DSCAML1: variants seen among roughly 807,000 people sequenced by gnomAD.
The protein encoded by DSCAML1 is DS cell adhesion molecule like 1.
DSCAML1 carries 38 observed loss-of-function variants against 200.5 expected under a neutral mutation model. The observed-to-expected ratio is 0.19, with a 90% CI of 0.15 to 0.25. DSCAML1 has a LOEUF of 0.25. Among genes scored for constraint, DSCAML1 ranks in the 10% least tolerant of loss-of-function variants. The probability of loss-of-function intolerance (pLI) is 1.00; values close to 1 mark genes in which losing one functional copy is unlikely to be tolerated. For synonymous variants in DSCAML1, 1,215 were observed against 1,165.0 expected (o/e 1.04, Z -0.87); for missense variants, 2,223 against 2,858.8 (o/e 0.78, Z 5.07).
At chr11:117,765,657 G>A (rs1262541168) in intron 3 of DSCAML1, among the ~76,000 whole-genome samples, 2 of 152,242 alleles carry the variant, frequency 1.3e-5, no homozygotes, top group Admixed American at 1.3e-4. Context: ...GAAACTGCAT[G>A]TAGAAAACAG....
At chr11:117,805,561 T>G (rs1368937358) in intron 1 of DSCAML1, among the ~76,000 whole-genome samples, 2 of 152,182 alleles carry the variant, frequency 1.3e-5, no homozygotes, top group Non-Finnish European at 2.9e-5. Flanking sequence ...TGTTTTTTAC[T>G]GCAGGCTTTA....
chr11:117,588,243 G>A (rs1396371705), intron 3 of DSCAML1, among the ~76,000 whole-genome samples: 7 of 152,120 alleles, frequency 4.6e-5, no homozygotes, highest in African/African-American at 1.7e-4. Flanking sequence ...CCCTAGCTCG[G>A]GGGTCGGGGG....
intron 3 of DSCAML1, among the ~76,000 whole-genome samples, chr11:117,760,050 C>T (rs568610115): frequency 3.3e-5 from 5 of 152,290 alleles, no homozygotes; most frequent in African/African-American, 9.6e-5. Context: ...CCCCAGACCT[C>T]GCTTTCACCA....
At chr11:117,577,479 T>C (rs1271198038) in intron 3 of DSCAML1, among the ~76,000 whole-genome samples, 4 of 34,356 alleles carry the variant, frequency 1.2e-4, no homozygotes, top group South Asian at 2.3e-3. Context: ...CCTTCCTTCC[T>C]TCCTTCCTTC....
At chr11:117,629,405 C>T (rs867635360) in intron 3 of DSCAML1, among the ~76,000 whole-genome samples, 4 of 152,036 alleles carry the variant, frequency 2.6e-5, no homozygotes, top group African/African-American at 4.8e-5. Flanking sequence ...TGGCTGCCCA[C>T]GCTGAGTGCT....
At chr11:117,455,606 T>C (rs1256989115) in intron 19 of DSCAML1, among the ~76,000 whole-genome samples, 2 of 152,242 alleles carry the variant, frequency 1.3e-5, no homozygotes, top group African/African-American at 2.4e-5. Flanking sequence ...TGAATTTATG[T>C]TTGCATTTTG....
intron 21 of DSCAML1, 57 bp from the exon 22 acceptor site, chr11:117,439,993 C>T (rs2048010465): frequency 4.1e-6 from 6 of 1,468,330 alleles, no homozygotes; most frequent in Non-Finnish European, 5.7e-6. Flanking sequence ...AATATCCTGG[C>T]CTCCTTCCTT....
rs188329129 is a variant in DSCAML1, at chr11:117,606,684, T to C, written c.512-74162A>G. Among the ~76,000 whole-genome samples, 234 of 152,320 alleles carry C rather than the reference T, an allele frequency of 1.5e-3. 2 individuals carry two copies. The highest frequency in any genetic ancestry group is 5.4e-3 in the African/African-American group (224 of 41,574). ...CTGCTCTGGTTCCATGGATGATCAGTAAGTCAGAGGCCCCCACTTCTCTCT... is the reference window on the plus strand; with the variant it reads ...CTGCTCTGGTTCCATGGATGATCAGCAAGTCAGAGGCCCCCACTTCTCTCT... On this transcript the variant is annotated intron_variant, in intron 3 of 32. Coordinates refer to ENST00000651296, the MANE Select transcript of DSCAML1 (RefSeq NM_020693.4).
intron 3 of DSCAML1, among the ~76,000 whole-genome samples, chr11:117,580,661 TTC>T (rs914688443): frequency 1.3e-5 from 2 of 152,070 alleles, no homozygotes; most frequent in African/African-American, 2.4e-5. Context: ...TAGGATTTCC[TTC>T]TCTCTCTCTC....
At chr11:117,660,854 T>G (rs36067343) in intron 3 of DSCAML1, among the ~76,000 whole-genome samples, 3,814 of 152,272 alleles carry the variant, frequency 0.025, 55 homozygotes, top group African/African-American at 0.035. Context: ...GATTTTGTGT[T>G]CTGAATTTGA....
Position 117,480,478 on chromosome 11 carries a change from A to T in DSCAML1, c.2750T>A (p.Ile917Asn). 1 of 1,613,516 alleles carries T rather than the reference A, an allele frequency of 6.2e-7. No individual in the cohort carries two copies. The highest frequency in any genetic ancestry group is 1.1e-5 in the South Asian group (1 of 90,818). The change falls in exon 14 of 33, where the codon ATC becomes AAC. Residue 917 changes from isoleucine (I) to asparagine (N), a missense_variant. Around this residue, in one of 7 missense-constraint regions of DSCAML1, gnomAD observed 438 missense variants for 629.7 expected, o/e 0.70. Coordinates refer to ENST00000651296, the MANE Select transcript of DSCAML1 (RefSeq NM_020693.4). This position sits in a 1 kb window ranked among gnomAD's most constrained non-coding sequence, Gnocchi z 4.1. Reference sequence around the variant, plus strand: ...CTTGTATTCAATGTCGAAGCCCGTGATGATGCTGTTCCCGTCGAATCGCTG... The same window carrying T: ...CTTGTATTCAATGTCGAAGCCCGTGTTGATGCTGTTCCCGTCGAATCGCTG... ...WTQRFDGNSI[I>N]TGFDIEYKNK...
upstream of DSCAML1, chr11:117,797,248 G>A (rs1330358692): frequency 2.8e-6 from 4 of 1,444,138 alleles, no homozygotes; most frequent in African/African-American, 1.5e-5. Context: ...TCGGCTCCCC[G>A]GCTCCTGTCA....
chr11:117,447,298 A>G (rs542536929), intron 20 of DSCAML1, among the ~76,000 whole-genome samples: 2 of 152,204 alleles, frequency 1.3e-5, no homozygotes, highest in African/African-American at 2.4e-5. Context: ...ATACACACGA[A>G]AAAATGTTTT....
At position 117,482,108 on chromosome 11, in the gene DSCAML1, G is replaced by T; in HGVS notation, c.2414C>A (p.Ala805Glu). 1.2e-6 allele frequency: 2 copies of T among 1,614,178 alleles called. No individual in the cohort carries two copies. The highest frequency in any genetic ancestry group is 1.7e-6 in the Non-Finnish European group (2 of 1,180,008). ...PNTTIAIKGHAKELNCTARGE... is the reference protein window; with the variant it reads ...PNTTIAIKGHEKELNCTARGE... The stretch of plus-strand genomic sequence containing the variant: ...CCGTGCCGTGCAGTTTAGCTCCTTC[G>T]CATGGCCCTTGATGGCGATGGTGGT... Residue 805 changes from alanine to glutamate, a missense_variant, in exon 12 of 33, where the codon GCG (alanine) becomes GAG (glutamate). Ala to Glu is a moderately radical substitution (Grantham distance 107). Transcript: ENST00000651296.
chr11:117,582,114 G>A (rs2051050008), intron 3 of DSCAML1, among the ~76,000 whole-genome samples: 1 of 152,182 alleles, frequency 6.6e-6, no homozygotes, highest in Non-Finnish European at 1.5e-5. Flanking sequence ...GGGTATCTGG[G>A]ACTCGCAGAA....
At chr11:117,621,407 G>A (rs2051926806) in intron 3 of DSCAML1, among the ~76,000 whole-genome samples, 1 of 152,140 alleles carries the variant, frequency 6.6e-6, no homozygotes, top group African/African-American at 2.4e-5. Flanking sequence ...TAATTTTCAG[G>A]TGGCTCAGTG....
intron 3 of DSCAML1, among the ~76,000 whole-genome samples, chr11:117,535,643 A>T (rs539498775): frequency 1.3e-5 from 2 of 152,314 alleles, no homozygotes; most frequent in South Asian, 4.1e-4. Context: ...CCCAAAGTCA[A>T]ACGCGGAAGC....
At chr11:117,685,357 C>T (rs1214218567) in intron 3 of DSCAML1, among the ~76,000 whole-genome samples, 1 of 152,212 alleles carries the variant, frequency 6.6e-6, no homozygotes, top group Non-Finnish European at 1.5e-5. Flanking sequence ...CTTCATGTCT[C>T]CACCCTTCCG....
intron 15 of DSCAML1, 107 bp downstream of exon 15, chr11:117,471,762 C>T: frequency 1.5e-6 from 2 of 1,363,426 alleles, no homozygotes; most frequent in Non-Finnish European, 2.0e-6. Flanking sequence ...TTCCCCACGC[C>T]ACCCCCTTTA....
Sources: allele counts gnomAD v4.1 joint callset (sites outside exome capture counted in the v4.1 genomes callset), GRCh38; gene constraint gnomAD v4.1.1; regional missense constraint gnomAD v4.1.1; non-coding constraint Gnocchi (gnomAD v3.1); transcripts MANE v1.5; gene names NCBI Gene and HGNC (gene_info 2026-07-23, HGNC 2026-07-21).